Variants in MICAL2 observed in about 807,000 individuals in gnomAD.
MICAL2 encodes [F-actin]-monooxygenase MICAL2.
A neutral mutation model predicts 127.3 loss-of-function variants in MICAL2; 77 were observed. The ratio of observed to expected loss-of-function variants is 0.60; its 90% CI spans 0.50 to 0.73. MICAL2 has a LOEUF of 0.73. MICAL2 is among the 30% of genes least tolerant of loss of function. The probability of loss-of-function intolerance (pLI) is 0.00; values close to 1 mark genes in which losing one functional copy is unlikely to be tolerated. For missense variants in MICAL2, 1,351 were observed against 1,434.4 expected (o/e 0.94, Z 0.94); for synonymous variants, 570 against 551.1 (o/e 1.03, Z -0.48).
At chr11:12,227,683 C>T (rs1857655664) in intron 15 of MICAL2, among the ~76,000 whole-genome samples, 1 of 152,122 alleles carries the variant, frequency 6.6e-6, no homozygotes, top group African/African-American at 2.4e-5. Context: ...TTGAGGAGCT[C>T]GGAGCCTAAT....
Position 12,209,491 on chromosome 11 carries a change from T to C in MICAL2, c.590-6T>C. The C allele has an allele frequency of 2.5e-6, 4 of 1,607,198 alleles. No individual in the cohort carries two copies. Among genetic ancestry groups the C allele is most frequent in the Non-Finnish European group, 3.4e-6 (4 of 1,173,632 alleles). The stretch of plus-strand genomic sequence containing the variant: ...GCCAACTCATCTCATTTCTCTGTCC[T>C]GGTAGAAATTGGCTGGCGGGCAGAA... On this transcript the variant is annotated splice_region_variant and splice_polypyrimidine_tract_variant and intron_variant, in intron 5 of 27. Coordinates refer to ENST00000683283, the MANE Select transcript of MICAL2 (RefSeq NM_001282663.2).
At chr11:12,321,552 G>A (rs1344398565) in intron 30 of MICAL2, among the ~76,000 whole-genome samples, 5 of 152,158 alleles carry the variant, frequency 3.3e-5, no homozygotes, top group Admixed American at 3.3e-4. Flanking sequence ...ATTCTGCCAA[G>A]CTTCTGCATC....
chr11:12,248,981 G>C (rs1861156019), intron 21 of MICAL2, among the ~76,000 whole-genome samples: 1 of 152,180 alleles, frequency 6.6e-6, no homozygotes, highest in South Asian at 2.1e-4. Flanking sequence ...GGACAAGTTT[G>C]TGAACCTCTC....
downstream of MICAL2, among the ~76,000 whole-genome samples, chr11:12,266,173 G>T (rs1863608525): frequency 6.6e-6 from 1 of 152,064 alleles, no homozygotes. Context: ...AAGTAAAACT[G>T]TAAGAAAAAA....
At chr11:12,329,004 T>C (rs78386908) in intron 32 of MICAL2, among the ~76,000 whole-genome samples, 4,682 of 152,308 alleles carry the variant, frequency 0.031, 138 homozygotes, top group East Asian at 0.12. Context: ...AGTCAGACTT[T>C]ACCTCTTCTG....
At chr11:12,238,765 T>A (rs1859455560) in intron 16 of MICAL2, among the ~76,000 whole-genome samples, 1 of 152,196 alleles carries the variant, frequency 6.6e-6, no homozygotes, top group Admixed American at 6.5e-5. Flanking sequence ...ACAGGAGCAA[T>A]TATTCCAGAT....
chr11:12,161,936 ATATT>A (rs1292278159), intron 2 of MICAL2, 139 bp from the exon 3 acceptor site: 139 of 606,168 alleles, frequency 2.3e-4, no homozygotes, highest in Middle Eastern at 1.8e-3. Flanking sequence ...TCTGTTATAA[ATATT>A]TATGTTTAGT....
intron 32 of MICAL2, among the ~76,000 whole-genome samples, chr11:12,344,934 C>T (rs1449192803): frequency 7.6e-6 from 1 of 131,466 alleles, no homozygotes; most frequent in Admixed American, 7.8e-5. Context: ...GGTGAAACCC[C>T]GTCTGTACTA....
At chr11:12,119,888 A>G (rs1423869528) in intron 1 of MICAL2, among the ~76,000 whole-genome samples, 1 of 152,176 alleles carries the variant, frequency 6.6e-6, no homozygotes, top group African/African-American at 2.4e-5. Flanking sequence ...CCTGATGCTG[A>G]GTGGACAGAG....
chr11:12,133,880 G>C (rs1407904621), intron 1 of MICAL2, among the ~76,000 whole-genome samples: 1 of 152,234 alleles, frequency 6.6e-6, no homozygotes, highest in Non-Finnish European at 1.5e-5. Flanking sequence ...CCTCTGAGTA[G>C]TTATGAATAA....
chr11:12,165,138 CAAAAAAA>C (rs1207353830), intron 3 of MICAL2, among the ~76,000 whole-genome samples: 38 of 73,402 alleles, frequency 5.2e-4, no homozygotes, highest in Admixed American at 1.1e-3. Context: ...GACTCCATCT[CAAAAAAA>C]AAAAAAAAAA....
At chr11:12,111,614 C>A (rs1000493450) in intron 1 of MICAL2, among the ~76,000 whole-genome samples, 4 of 152,202 alleles carry the variant, frequency 2.6e-5, no homozygotes, top group Non-Finnish European at 5.9e-5. Context: ...GTTCTTAAAG[C>A]GGAAAGAGCT....
chr11:12,313,961 A>ATTTT (rs60681621), intron 29 of MICAL2, among the ~76,000 whole-genome samples: 10,023 of 43,536 alleles, frequency 0.23, 1,773 homozygotes, highest in Middle Eastern at 0.33. Context: ...TCTTGGTCTG[A>ATTTT]TTTTTTTTTT....
chr11:12,273,954 G>A (rs951612234), upstream of MICAL2, among the ~76,000 whole-genome samples: 1 of 152,156 alleles, frequency 6.6e-6, no homozygotes, highest in Non-Finnish European at 1.5e-5. Context: ...TCATAAAGAA[G>A]AGGAGAGAGA....
chr11:12,328,199 G>C (rs754598334), intron 32 of MICAL2, among the ~76,000 whole-genome samples: 20 of 152,212 alleles, frequency 1.3e-4, no homozygotes, highest in African/African-American at 4.6e-4. Flanking sequence ...CACTGGGTCT[G>C]TAACAATGAG....
At chr11:12,256,610 G>C in intron 23 of MICAL2, 175 bp from the exon 24 acceptor site, 1 of 584,970 alleles carries the variant, frequency 1.7e-6, no homozygotes, top group East Asian at 3.0e-5. Context: ...CAGGGTTGGG[G>C]TCTGGGTTGG....
chr11:12,234,584 G>C (rs1292925434), intron 15 of MICAL2, among the ~76,000 whole-genome samples: 4 of 152,188 alleles, frequency 2.6e-5, no homozygotes, highest in Admixed American at 2.6e-4. Context: ...GAGAAGGCAG[G>C]GCCCTTTGAT....
downstream of MICAL2, among the ~76,000 whole-genome samples, chr11:12,290,709 C>G (rs1863886521): frequency 6.6e-6 from 1 of 152,220 alleles, no homozygotes; most frequent in Non-Finnish European, 1.5e-5. Context: ...CCTTTTCCCT[C>G]CAAAGCTTTC....
chr11:12,297,509 T>C lies in MICAL2; in HGVS notation c.5212+2652T>C, dbSNP rs76869739. 4.6e-3 allele frequency among the ~76,000 whole-genome samples: 693 copies of C among 152,220 alleles called. 6 individuals are homozygous for C. The highest frequency in any genetic ancestry group is 0.016 in the African/African-American group (666 of 41,568). ...ACTTTATTTACAGTGGCTTTTCTTA[T>C]GTAAAATTTCTAGCTTTATATACTA... On this transcript the variant is annotated intron_variant, in intron 29 of 34. Transcript: ENST00000646065.
Sources: gnomAD v4.1 joint callset for allele counts (sites outside exome capture counted in the v4.1 genomes callset) on GRCh38, gnomAD v4.1.1 for gene constraint, MANE v1.5 for transcripts, NCBI Gene and HGNC (gene_info 2026-07-23, HGNC 2026-07-21) for gene names.